RBFOX1: variants seen among roughly 807,000 people sequenced by gnomAD.
RBFOX1 encodes the protein RNA binding protein fox-1 homolog 1.
A neutral mutation model predicts 57.7 loss-of-function variants in RBFOX1; 8 were observed. The ratio of observed to expected loss-of-function variants is 0.14; its 90% CI spans 0.08 to 0.25. RBFOX1 has a LOEUF of 0.25. Among genes scored for constraint, RBFOX1 ranks in the 10% least tolerant of loss-of-function variants. The pLI, the probability that RBFOX1 is intolerant of heterozygous loss-of-function variation, is 1.00. For synonymous variants in RBFOX1, 326 were observed against 222.4 expected (o/e 1.47, Z -4.15); for missense variants, 611 against 548.5 (o/e 1.11, Z -1.14).
chr16:5,819,169 G>C (rs990544209), intron 3 of RBFOX1, among the ~76,000 whole-genome samples: 3 of 152,178 alleles, frequency 2.0e-5, no homozygotes, highest in Admixed American at 6.5e-5. Flanking sequence ...GCTGGGAAGT[G>C]CAAATCAAGG....
chr16:7,103,378 A>G (rs2063031367), intron 4 of RBFOX1, among the ~76,000 whole-genome samples: 1 of 152,148 alleles, frequency 6.6e-6, no homozygotes. Flanking sequence ...ATAAAATAGC[A>G]AATGAAGCTG....
intron 3 of RBFOX1, among the ~76,000 whole-genome samples, chr16:7,016,568 C>G (rs1380212487): frequency 3.3e-5 from 5 of 152,184 alleles, no homozygotes; most frequent in Admixed American, 1.3e-4. Flanking sequence ...TATATCATCT[C>G]ACGTAATTCC....
At chr16:6,250,415 G>A (rs1486904548) in intron 1 of RBFOX1, among the ~76,000 whole-genome samples, 2 of 152,146 alleles carry the variant, frequency 1.3e-5, no homozygotes, top group Non-Finnish European at 2.9e-5. Flanking sequence ...TGATGCGGAG[G>A]TGGGATTCTA....
chr16:7,321,961 T>C (rs1364483567), intron 4 of RBFOX1, among the ~76,000 whole-genome samples: 3 of 152,214 alleles, frequency 2.0e-5, no homozygotes, highest in Non-Finnish European at 4.4e-5. Flanking sequence ...CTGCACAGCT[T>C]GGCACAGCTT....
chr16:6,790,402 C>G (rs1210868883), intron 3 of RBFOX1, among the ~76,000 whole-genome samples: 2 of 152,028 alleles, frequency 1.3e-5, no homozygotes, highest in African/African-American at 2.4e-5. Flanking sequence ...CCTGGCTGGT[C>G]TTGAACTCCT....
chr16:5,491,980 G>C (rs1180995704), intron 2 of RBFOX1, among the ~76,000 whole-genome samples: 9 of 152,224 alleles, frequency 5.9e-5, no homozygotes, highest in Admixed American at 3.9e-4. Context: ...TCTGCAGTGA[G>C]TCTAGTGTGT....
At chr16:5,584,760 C>T (rs1244913349) in intron 2 of RBFOX1, among the ~76,000 whole-genome samples, 2 of 152,146 alleles carry the variant, frequency 1.3e-5, no homozygotes, top group Non-Finnish European at 2.9e-5. Context: ...AGTTCTGTTA[C>T]TGCTTGGGCC....
At chr16:5,845,847 A>T (rs1597468095) in intron 3 of RBFOX1, among the ~76,000 whole-genome samples, 1 of 152,162 alleles carries the variant, frequency 6.6e-6, no homozygotes, top group East Asian at 1.9e-4. Flanking sequence ...GGGGGACCTC[A>T]TCTATCTTTT....
chr16:6,121,978 T>A (rs2152637723), intron 1 of RBFOX1, among the ~76,000 whole-genome samples: 1 of 152,308 alleles, frequency 6.6e-6, no homozygotes, highest in Non-Finnish European at 1.5e-5. Context: ...TGATCTCTGC[T>A]CACTGCAACC....
chr16:6,638,744 G>T (rs754739166), intron 2 of RBFOX1, among the ~76,000 whole-genome samples: 17 of 152,148 alleles, frequency 1.1e-4, no homozygotes, highest in Non-Finnish European at 2.4e-4. Flanking sequence ...AAACAAAAGA[G>T]ACTTCTCTTC....
intron 1 of RBFOX1, among the ~76,000 whole-genome samples, chr16:5,280,194 A>G (rs2063237773): frequency 6.6e-6 from 1 of 152,222 alleles, no homozygotes. Context: ...TGAGATGATC[A>G]GATAGTTTTT....
chr16:6,097,020 G>A lies in RBFOX1; in HGVS notation c.-127+77028G>A, dbSNP rs2096253047. ...CTCCCATAATTCCCATGTGTTGTGT[G>A]AGGGACTTCGTGGGAGATAACTGAA... On this transcript the variant is annotated intron_variant, in intron 1 of 15. Coordinates refer to ENST00000550418, the MANE Select transcript of RBFOX1 (RefSeq NM_018723.4). This position sits in a 1 kb window ranked among gnomAD's most constrained non-coding sequence, Gnocchi z 5.0. Among the ~76,000 whole-genome samples, 1 of 152,136 alleles carries A rather than the reference G, an allele frequency of 6.6e-6. No individual in the cohort carries two copies. The highest frequency in any genetic ancestry group is 1.5e-5 in the Non-Finnish European group (1 of 68,036).
Position 7,434,039 on chromosome 16 carries a change from C to G in RBFOX1, c.28-84108C>G, listed in dbSNP as rs998469629. On this transcript the variant is annotated intron_variant, in intron 4 of 15. Transcript: ENST00000550418. The stretch of plus-strand genomic sequence containing the variant: ...GGAAACTGCTCTTGGAGGAGTCAAG[C>G]CTGAATGATCAGAAAGACACTAAAA... 2.0e-5 allele frequency among the ~76,000 whole-genome samples: 3 copies of G among 152,010 alleles called. 1 individual carries two copies. The South Asian group carries it at 6.2e-4, about 32-fold the overall frequency.
intron 1 of RBFOX1, among the ~76,000 whole-genome samples, chr16:5,382,768 A>G (rs966891581): frequency 4.6e-5 from 7 of 152,250 alleles, no homozygotes; most frequent in African/African-American, 1.7e-4. Flanking sequence ...TAAAGAGCAA[A>G]CATCAGATAA....
chr16:5,509,148 C>T (rs13337426), intron 2 of RBFOX1, among the ~76,000 whole-genome samples: 34,599 of 152,144 alleles, frequency 0.23, 4,529 homozygotes, highest in African/African-American at 0.37. Context: ...GCACACTTCC[C>T]GACATGCGAT....
intron 1 of RBFOX1, among the ~76,000 whole-genome samples, chr16:6,255,916 G>A (rs1351625073): frequency 5.9e-5 from 9 of 151,558 alleles, no homozygotes; most frequent in African/African-American, 1.2e-4. Flanking sequence ...GGGAGGGAGA[G>A]CGTTAGGACA....
chr16:5,766,609 G>T (rs1015270458), intron 3 of RBFOX1, among the ~76,000 whole-genome samples: 1 of 151,994 alleles, frequency 6.6e-6, no homozygotes, highest in Non-Finnish European at 1.5e-5. Context: ...CAAACAAAAT[G>T]AAAAACAGAT....
intron 3 of RBFOX1, among the ~76,000 whole-genome samples, chr16:6,887,648 T>C (rs531380766): frequency 3.0e-4 from 44 of 149,138 alleles, no homozygotes; most frequent in Non-Finnish European, 4.6e-4. Flanking sequence ...TTGGTTGTTT[T>C]TGCTGTCTTT....
chr16:7,175,406 A>G (rs1465769485), intron 4 of RBFOX1, among the ~76,000 whole-genome samples: 1 of 152,072 alleles, frequency 6.6e-6, no homozygotes, highest in Non-Finnish European at 1.5e-5. Context: ...AAGTCAGCAA[A>G]GGCATGGGCA....
Sources: gnomAD v4.1 joint callset for allele counts (sites outside exome capture counted in the v4.1 genomes callset) on GRCh38, gnomAD v4.1.1 for gene constraint, Gnocchi (gnomAD v3.1) non-coding constraint, MANE v1.5 for transcripts, NCBI Gene and HGNC (gene_info 2026-07-23, HGNC 2026-07-21) for gene names.